The following COL5A2 variants were observed in gnomAD, a reference collection of about 807,000 sequenced individuals.
The protein encoded by COL5A2 is collagen alpha-2(V) chain.
COL5A2 carries 23 observed loss-of-function variants against 208.2 expected under a neutral mutation model. That is an observed-to-expected ratio of 0.11 (90% CI 0.08 to 0.16). The LOEUF is 0.16. COL5A2 is among the 10% of genes least tolerant of loss of function. The pLI is 1.00. For synonymous variants in COL5A2, 625 were observed against 628.5 expected (o/e 0.99, Z 0.08); for missense variants, 1,590 against 1,956.4 (o/e 0.81, Z 3.53).
At chr2:189,108,932 T>C (rs72908325) in intron 2 of COL5A2, among the ~76,000 whole-genome samples, 19,838 of 151,266 alleles carry the variant, frequency 0.13, 1,335 homozygotes, top group Middle Eastern at 0.19. Flanking sequence ...TATTTCTGCT[T>C]TATAGCCTTC....
At chr2:189,431,675 C>A in the COL5A2 span, among the ~76,000 whole-genome samples, 1 of 152,090 alleles carries the variant, frequency 6.6e-6, no homozygotes, top group Non-Finnish European at 1.5e-5. Flanking sequence ...CGAACAAAGC[C>A]TCCAAGAAAT....
rs746458442 is a variant in COL5A2 at position 189,051,398 on chromosome 2, C to T, written c.2853G>A (p.Gly951=). The T allele has an allele frequency of 1.2e-6, 2 of 1,614,060 alleles. No homozygotes were observed. The highest frequency in any genetic ancestry group is 1.7e-5 in the Admixed American group (1 of 60,022). The change falls in exon 42 of 54, where the codon GGG becomes GGA. Residue 951 remains glycine (G), a synonymous_variant. Coordinates refer to ENST00000374866, the MANE Select transcript of COL5A2 (RefSeq NM_000393.5). The part of the protein sequence containing the change: ...PGLRGDPGSH[G]RVGDRGPAGP... ...CAGCTGGTCCTCGATCTCCCACACGCCCATGAGAGCCAGGGTCCCCACGAA... is the reference window on the plus strand; with the variant it reads ...CAGCTGGTCCTCGATCTCCCACACGTCCATGAGAGCCAGGGTCCCCACGAA...
At chr2:189,311,470 C>G in the COL5A2 span, 11 of 1,074,072 alleles carry the variant, frequency 1.0e-5, no homozygotes, top group Admixed American at 1.9e-4. Flanking sequence ...CCTCCTATTC[C>G]TGGGCTTGGT....
chr2:189,262,913 C>T, the COL5A2 span, among the ~76,000 whole-genome samples: 1 of 151,974 alleles, frequency 6.6e-6, no homozygotes, highest in African/African-American at 2.4e-5. Context: ...GATATAAAAA[C>T]TAAATTATTA....
chr2:189,286,074 A>T, the COL5A2 span, among the ~76,000 whole-genome samples: 1 of 152,032 alleles, frequency 6.6e-6, no homozygotes, highest in Non-Finnish European at 1.5e-5. Flanking sequence ...GGGTACCTCT[A>T]GAAAAGCTCA....
At chr2:189,338,893 C>T in the COL5A2 span, among the ~76,000 whole-genome samples, 251 of 152,136 alleles carry the variant, frequency 1.6e-3, no homozygotes, top group African/African-American at 5.5e-3. Flanking sequence ...TTCCATTTCT[C>T]GTTGACTCTT....
At chr2:189,426,284 G>C in the COL5A2 span, among the ~76,000 whole-genome samples, 1 of 152,130 alleles carries the variant, frequency 6.6e-6, no homozygotes, top group Non-Finnish European at 1.5e-5. Context: ...GTCAAGCTGG[G>C]AACTGCTTAG....
intron 12 of COL5A2, among the ~76,000 whole-genome samples, chr2:189,082,096 A>C (rs973001989): frequency 6.6e-6 from 1 of 152,166 alleles, no homozygotes; most frequent in Non-Finnish European, 1.5e-5. Context: ...AAATAAAGAA[A>C]TGGTTTGATA....
the COL5A2 span, among the ~76,000 whole-genome samples, chr2:189,307,951 G>C: frequency 1.1e-4 from 16 of 152,102 alleles, no homozygotes; most frequent in Admixed American, 1.0e-3. Flanking sequence ...GGCCTACTCT[G>C]TTCTATGGAA....
At chr2:189,089,429 A>ATT (rs1190498385) in intron 7 of COL5A2, among the ~76,000 whole-genome samples, 3 of 152,348 alleles carry the variant, frequency 2.0e-5, no homozygotes, top group African/African-American at 7.2e-5. Flanking sequence ...TTGTTAGGAA[A>ATT]GAATGTGTGT....
At chr2:189,265,581 C>A in the COL5A2 span, among the ~76,000 whole-genome samples, 3 of 152,146 alleles carry the variant, frequency 2.0e-5, no homozygotes, top group Admixed American at 6.6e-5. Context: ...ACCTTGTTTC[C>A]AAATGTGGTT....
At chr2:189,268,523 G>C in the COL5A2 span, among the ~76,000 whole-genome samples, 1 of 152,104 alleles carries the variant, frequency 6.6e-6, no homozygotes, top group African/African-American at 2.4e-5. Context: ...TTGGCATTCA[G>C]AGAAAATCCA....
Position 189,032,032 on chromosome 2 carries a change from T to C in COL5A2, c.*2038A>G, listed in dbSNP as rs1057170700. 2 of 152,140 alleles carry C rather than the reference T, an allele frequency of 1.3e-5. No individual in the cohort carries two copies. The highest frequency in any genetic ancestry group is 2.1e-4 in the South Asian group (1 of 4,828). The allele number at this position is 152,140 out of a possible 1,614,324, so 9.4% of individuals were successfully genotyped here. On this transcript the variant is annotated 3_prime_UTR_variant, in exon 54 of 54. Transcript: ENST00000374866. Reference sequence around the variant, plus strand: ...TCTGATTCATCTATATGAACTTATATAATCTTATAGTTTGGACTTGGAAGT... The same window carrying C: ...TCTGATTCATCTATATGAACTTATACAATCTTATAGTTTGGACTTGGAAGT...
chr2:189,175,625 C>G (rs548585837), intron 1 of COL5A2, among the ~76,000 whole-genome samples: 63 of 149,918 alleles, frequency 4.2e-4, no homozygotes, highest in African/African-American at 1.5e-3. Context: ...CTCACTGCAA[C>G]CTCCGCCTCC....
intron 13 of COL5A2, among the ~76,000 whole-genome samples, 157 bp downstream of exon 13, chr2:189,080,832 TA>T (rs1195812189): frequency 6.6e-6 from 1 of 152,126 alleles, no homozygotes; most frequent in African/African-American, 2.4e-5. Context: ...GGAAATGTAT[TA>T]AAAAATTGTG....
the COL5A2 span, among the ~76,000 whole-genome samples, chr2:189,263,575 C>A: frequency 1.7e-4 from 26 of 152,042 alleles, no homozygotes; most frequent in African/African-American, 5.3e-4. Flanking sequence ...TAGAGTAATG[C>A]CCTAGGTCTT....
chr2:189,296,157 A>G, the COL5A2 span, among the ~76,000 whole-genome samples: 5,618 of 152,184 alleles, frequency 0.037, 118 homozygotes, highest in Admixed American at 0.05. Flanking sequence ...TTATGCTTCA[A>G]TGTAGGTGTT....
chr2:189,390,722 A>T, the COL5A2 span, among the ~76,000 whole-genome samples: 1 of 152,252 alleles, frequency 6.6e-6, no homozygotes, highest in Non-Finnish European at 1.5e-5. Context: ...AAAAGATATT[A>T]GTAATTAGCT....
intron 1 of COL5A2, among the ~76,000 whole-genome samples, chr2:189,222,350 T>G (rs1362152835): frequency 1.3e-5 from 2 of 152,194 alleles, no homozygotes; most frequent in African/African-American, 4.8e-5. Context: ...ATATATGTAT[T>G]TCAAGCTCTT....
Sources: gnomAD v4.1 joint callset for allele counts (sites outside exome capture counted in the v4.1 genomes callset) on GRCh38, gnomAD v4.1.1 for gene constraint, MANE v1.5 for transcripts, NCBI Gene and HGNC (gene_info 2026-07-23, HGNC 2026-07-21) for gene names.